KCNG3: variants seen among roughly 807,000 people sequenced by gnomAD.
The protein encoded by KCNG3 is voltage-gated potassium channel regulatory subunit KCNG3.
KCNG3 carries 15 observed loss-of-function variants against 29.0 expected under a neutral mutation model. That is an observed-to-expected ratio of 0.52 (90% CI 0.35 to 0.80). The LOEUF is 0.80. Among genes scored for constraint, KCNG3 ranks in the 30% least tolerant of loss-of-function variants. KCNG3 has a pLI of 0.01. For synonymous variants in KCNG3, 322 were observed against 248.9 expected, an observed-to-expected ratio of 1.29 and a Z score of -2.76; for missense variants, 512 against 605.7, an observed-to-expected ratio of 0.85 and a Z score of 1.62.
downstream of KCNG3, among the ~76,000 whole-genome samples, chr2:42,438,710 T>G (rs1013452769): frequency 1.3e-5 from 2 of 152,226 alleles, no homozygotes; most frequent in Non-Finnish European, 2.9e-5. Flanking sequence ...ATTTGGAAGA[T>G]CTAGAAAAAT....
chr2:42,461,195 A>C (rs1157915579), intron 1 of KCNG3, among the ~76,000 whole-genome samples: 16 of 151,100 alleles, frequency 1.1e-4, no homozygotes, highest in African/African-American at 2.4e-4. Flanking sequence ...AAAAAAAAAA[A>C]AAAAAAAAAA....
In KCNG3 at chr2:42,462,585, G is replaced by C. The variant is rs1204514235; in HGVS notation, c.666-18006C>G. Among the ~76,000 whole-genome samples the C allele has an allele frequency of 2.0e-5, 3 of 152,276 alleles. No individual in the cohort carries two copies. In the South Asian group the frequency reaches 6.2e-4, roughly 32 times the overall value. The stretch of plus-strand genomic sequence containing the variant: ...TAATCCTAGCTACTGGAGAGGCTGA[G>C]GCACGAGAATCACTTGAACCCACGA... On this transcript the variant is annotated intron_variant, in intron 1 of 1. Coordinates refer to ENST00000306078, the MANE Select transcript of KCNG3 (RefSeq NM_133329.6).
Position 42,490,496 on chromosome 2 carries a change from C to T in KCNG3, c.665+2341G>A, listed in dbSNP as rs556745924. ...GTGCACAACCTCTGCAACCTTCCAA[C>T]CATGGTTTGTTTCCATCCTCCACCA... On this transcript the variant is annotated intron_variant, in intron 1 of 1. Transcript: ENST00000306078. 3.3e-5 allele frequency among the ~76,000 whole-genome samples: 5 copies of T among 152,342 alleles called. No homozygotes were observed. The South Asian group carries it at 8.3e-4, about 25-fold the overall frequency.
intron 1 of KCNG3, among the ~76,000 whole-genome samples, chr2:42,446,046 G>A (rs1398873433): frequency 6.6e-6 from 1 of 151,948 alleles, no homozygotes; most frequent in Non-Finnish European, 1.5e-5. Flanking sequence ...GATTCTTGAA[G>A]AAGCCTGCAT....
In KCNG3 at chr2:42,442,506, C is replaced by A. The variant is rs542811682; in HGVS notation, c.*1428G>T. 6.6e-6 allele frequency: 1 copy of A among 152,264 alleles called. No homozygotes were observed. The highest frequency in any genetic ancestry group is 2.1e-4 in the South Asian group (1 of 4,824). The allele number at this position is 152,264 out of a possible 1,614,324, so 9.4% of individuals were successfully genotyped here. ...TTGAACTAGATGATGGCTAAAATTC[C>A]TTTAATGAACACTTCTGGTAACCCT... On this transcript the variant is annotated 3_prime_UTR_variant, in exon 2 of 2. Coordinates refer to ENST00000306078, the MANE Select transcript of KCNG3 (RefSeq NM_133329.6).
chr2:42,449,054 C>A (rs1172778305), intron 1 of KCNG3, among the ~76,000 whole-genome samples: 2 of 152,024 alleles, frequency 1.3e-5, no homozygotes, highest in East Asian at 1.9e-4. Context: ...CCAGGGCCCA[C>A]TGAGGGACTT....
At chr2:42,488,073 T>C (rs1673773931) in intron 1 of KCNG3, among the ~76,000 whole-genome samples, 1 of 152,196 alleles carries the variant, frequency 6.6e-6, no homozygotes, top group Admixed American at 6.5e-5. Flanking sequence ...CAAAAACTAG[T>C]AACTTTGGTT....
At chr2:42,462,489 C>G (rs1017430996) in intron 1 of KCNG3, among the ~76,000 whole-genome samples, 14 of 152,230 alleles carry the variant, frequency 9.2e-5, no homozygotes, top group African/African-American at 3.4e-4. Context: ...GGAGACCAGC[C>G]TGGTCAACAT....
At chr2:42,460,548 T>C (rs1672989427) in intron 1 of KCNG3, among the ~76,000 whole-genome samples, 2 of 152,190 alleles carry the variant, frequency 1.3e-5, no homozygotes, top group South Asian at 2.1e-4. Flanking sequence ...TGCATTAAGT[T>C]CAGAAGAAGA....
chr2:42,484,707 A>T (rs1021053695), intron 1 of KCNG3, among the ~76,000 whole-genome samples: 1 of 152,238 alleles, frequency 6.6e-6, no homozygotes, highest in Non-Finnish European at 1.5e-5. Context: ...CTAATTTTAC[A>T]AATATAAAAA....
At position 42,442,019 on chromosome 2, in the gene KCNG3, G is replaced by T. The variant is rs576389297; in HGVS notation, c.*1915C>A. 1 of 151,784 alleles carries T rather than the reference G, an allele frequency of 6.6e-6. No homozygotes were observed. The highest frequency in any genetic ancestry group is 1.5e-5 in the Non-Finnish European group (1 of 67,996). 9.4% of individuals were successfully genotyped at this position (151,784 alleles called of 1,614,324 possible). On this transcript the variant is annotated 3_prime_UTR_variant, in exon 2 of 2. Transcript: ENST00000306078. ...AAGCGGTCCCAGTACCAGTAAAATT[G>T]ATGGTTATCATATTTTTATTAGTAA...
chr2:42,426,193 A>G, the KCNG3 span, among the ~76,000 whole-genome samples: 1 of 152,218 alleles, frequency 6.6e-6, no homozygotes. Flanking sequence ...ACTAAATAAC[A>G]CACCTGAATG....
intron 1 of KCNG3, among the ~76,000 whole-genome samples, chr2:42,459,963 G>C (rs1433963914): frequency 7.3e-6 from 1 of 136,242 alleles, no homozygotes; most frequent in Non-Finnish European, 1.6e-5. Flanking sequence ...GCAATAGAGA[G>C]AGACTCCATC....
At chr2:42,467,908 C>A (rs952923180) in intron 1 of KCNG3, among the ~76,000 whole-genome samples, 2 of 146,476 alleles carry the variant, frequency 1.4e-5, no homozygotes, top group Admixed American at 1.4e-4. Context: ...GAGATTGAGG[C>A]TGCAGTGAGC....
chr2:42,464,461 T>C (rs11695203), intron 1 of KCNG3, among the ~76,000 whole-genome samples: 1 of 151,996 alleles, frequency 6.6e-6, no homozygotes, highest in African/African-American at 2.4e-5. Context: ...TAGTCTATAG[T>C]CATGAATACA....
chr2:42,432,715 G>C, the KCNG3 span, among the ~76,000 whole-genome samples: 1 of 152,166 alleles, frequency 6.6e-6, no homozygotes, highest in Non-Finnish European at 1.5e-5. Flanking sequence ...TTAATGAAGA[G>C]AATCAGTTTA....
chr2:42,491,509 A>C (rs925181227), intron 1 of KCNG3, among the ~76,000 whole-genome samples: 1 of 152,216 alleles, frequency 6.6e-6, no homozygotes, highest in Non-Finnish European at 1.5e-5. Flanking sequence ...CTTAAAAAAA[A>C]AAGGCATTTA....
At chr2:42,435,878 A>C in the KCNG3 span, among the ~76,000 whole-genome samples, 1 of 152,244 alleles carries the variant, frequency 6.6e-6, no homozygotes, top group Non-Finnish European at 1.5e-5. Flanking sequence ...TGGCAATTCC[A>C]TTCCTAGGTT....
At chr2:42,435,062 G>A in the KCNG3 span, among the ~76,000 whole-genome samples, 1 of 152,242 alleles carries the variant, frequency 6.6e-6, no homozygotes, top group South Asian at 2.1e-4. Flanking sequence ...TAGTACTTTG[G>A]GAGGCCAAGG....
Sources: allele counts gnomAD v4.1 joint callset (sites outside exome capture counted in the v4.1 genomes callset), GRCh38; gene constraint gnomAD v4.1.1; transcripts MANE v1.5; gene names NCBI Gene and HGNC (gene_info 2026-07-23, HGNC 2026-07-21).